The following ZNF385D variants were observed in gnomAD, a reference collection of about 807,000 sequenced individuals.
The protein encoded by ZNF385D is zinc finger protein 385D.
In ZNF385D, 15 loss-of-function variants were observed where a neutral mutation model predicts 35.8. The ratio of observed to expected loss-of-function variants is 0.42; its 90% confidence interval spans 0.28 to 0.64. The LOEUF (loss-of-function observed/expected upper bound fraction) is 0.64, where lower values mean the gene tolerates loss of function less well. Among genes scored for constraint, ZNF385D ranks in the 30% least tolerant of loss-of-function variants. The pLI is 0.23. For missense variants in ZNF385D, 474 were observed against 494.6 expected, an observed-to-expected ratio of 0.96 and a Z score of 0.39; for synonymous variants, 212 against 186.8, an observed-to-expected ratio of 1.13 and a Z score of -1.10.
intron 3 of ZNF385D, among the ~76,000 whole-genome samples, chr3:21,763,906 T>C (rs1174153385): frequency 6.6e-6 from 1 of 152,170 alleles, no homozygotes; most frequent in Admixed American, 6.6e-5. Context: ...AACATCCATT[T>C]GTCAAGAACT....
At chr3:21,623,099 C>A (rs948656088) in intron 2 of ZNF385D, among the ~76,000 whole-genome samples, 1 of 152,048 alleles carries the variant, frequency 6.6e-6, no homozygotes, top group Non-Finnish European at 1.5e-5. Context: ...TAGAGCTCTG[C>A]TGTTACTGCC....
intron 3 of ZNF385D, among the ~76,000 whole-genome samples, chr3:22,014,550 C>G (rs925088099): frequency 6.6e-6 from 1 of 152,002 alleles, no homozygotes; most frequent in Non-Finnish European, 1.5e-5. Flanking sequence ...AACCCCAAAC[C>G]CACATCCACC....
At chr3:22,070,334 A>G (rs1398262678) in intron 3 of ZNF385D, among the ~76,000 whole-genome samples, 2 of 152,184 alleles carry the variant, frequency 1.3e-5, no homozygotes, top group Non-Finnish European at 2.9e-5. Context: ...GGAAAGCAAT[A>G]TATACTACAG....
intron 3 of ZNF385D, among the ~76,000 whole-genome samples, chr3:21,521,896 A>C (rs1707931490): frequency 6.6e-6 from 1 of 152,188 alleles, no homozygotes; most frequent in African/African-American, 2.4e-5. Flanking sequence ...AAATTAGGAG[A>C]AAAAGACACC....
intron 3 of ZNF385D, among the ~76,000 whole-genome samples, chr3:21,942,050 T>A (rs374299619): frequency 1.3e-5 from 2 of 152,152 alleles, no homozygotes; most frequent in Admixed American, 6.5e-5. Context: ...AACATACACA[T>A]GTGTATTGTC....
chr3:22,065,747 C>A lies in ZNF385D; in HGVS notation c.325+103070G>T, dbSNP rs534981176. 2.7e-3 allele frequency among the ~76,000 whole-genome samples: 404 copies of A among 152,216 alleles called. 2 individuals are homozygous for A. Among genetic ancestry groups the A allele is most frequent in the African/African-American group, 9.3e-3 (387 of 41,534 alleles). ...CATAACACACACTGCATAAAAAAACCAGCACATAAATGTCTATCATGACTT... is the reference window on the plus strand; with the variant it reads ...CATAACACACACTGCATAAAAAAACAAGCACATAAATGTCTATCATGACTT... On this transcript the variant is annotated intron_variant, in intron 3 of 5. Coordinates refer to the ZNF385D transcript ENST00000494108.
At chr3:22,345,227 A>C (rs1220795204) in intron 2 of ZNF385D, among the ~76,000 whole-genome samples, 2 of 152,270 alleles carry the variant, frequency 1.3e-5, no homozygotes, top group Non-Finnish European at 2.9e-5. Flanking sequence ...TAACTCAATT[A>C]TTTCACTGTC....
chr3:21,540,051 G>T (rs2062134965), intron 3 of ZNF385D, among the ~76,000 whole-genome samples: 2 of 152,032 alleles, frequency 1.3e-5, no homozygotes. Context: ...ACTTGCAAAC[G>T]TTCTAGTAAT....
At chr3:22,194,879 G>A (rs532677049) in intron 2 of ZNF385D, among the ~76,000 whole-genome samples, 2 of 151,918 alleles carry the variant, frequency 1.3e-5, no homozygotes, top group South Asian at 4.1e-4. Context: ...ACCACAATTT[G>A]CATATTCATT....
chr3:21,537,198 T>A (rs2062056579), intron 3 of ZNF385D, among the ~76,000 whole-genome samples: 1 of 146,146 alleles, frequency 6.8e-6, no homozygotes, highest in Admixed American at 7.1e-5. Flanking sequence ...AGTGGCGTGA[T>A]CTCAGCTCAC....
chr3:21,527,094 A>G (rs897723713), intron 3 of ZNF385D, among the ~76,000 whole-genome samples: 8 of 152,332 alleles, frequency 5.3e-5, no homozygotes, highest in African/African-American at 1.4e-4. Context: ...GTGTAATATA[A>G]AGTAACTTAT....
At chr3:21,458,815 G>A (rs367712434) in intron 4 of ZNF385D, among the ~76,000 whole-genome samples, 10 of 100,892 alleles carry the variant, frequency 9.9e-5, no homozygotes, top group South Asian at 6.3e-4. Flanking sequence ...AATGCGGGGT[G>A]GGGGGGCGGG....
chr3:22,367,681 C>G (rs1334328308), intron 2 of ZNF385D, among the ~76,000 whole-genome samples: 1 of 151,860 alleles, frequency 6.6e-6, no homozygotes, highest in East Asian at 1.9e-4. Flanking sequence ...ACATTTCATT[C>G]TTTTTTTCTT....
intron 2 of ZNF385D, among the ~76,000 whole-genome samples, chr3:22,269,900 A>T (rs1701086482): frequency 6.6e-6 from 1 of 151,834 alleles, no homozygotes; most frequent in Admixed American, 6.6e-5. Context: ...AAGATCTGGT[A>T]ATCCGCTATT....
At chr3:21,732,636 G>A (rs1291456196) in intron 1 of ZNF385D, among the ~76,000 whole-genome samples, 2 of 152,136 alleles carry the variant, frequency 1.3e-5, no homozygotes, top group Non-Finnish European at 2.9e-5. Flanking sequence ...TATCTCTAAT[G>A]ATACATGATG....
At chr3:21,581,910 C>T (rs893820667) in intron 2 of ZNF385D, among the ~76,000 whole-genome samples, 17 of 152,138 alleles carry the variant, frequency 1.1e-4, no homozygotes, top group Non-Finnish European at 2.5e-4. Flanking sequence ...TTAGGGATGA[C>T]TGAGATGCAT....
intron 6 of ZNF385D, 67 bp downstream of exon 6, chr3:21,425,425 A>G: frequency 2.1e-6 from 3 of 1,424,752 alleles, no homozygotes; most frequent in Non-Finnish European, 2.8e-6. Context: ...AAAGGAAGGA[A>G]GCACACACAT....
At chr3:21,739,078 C>G (rs2069383438) in intron 1 of ZNF385D, among the ~76,000 whole-genome samples, 1 of 152,166 alleles carries the variant, frequency 6.6e-6, no homozygotes, top group South Asian at 2.1e-4. Flanking sequence ...TGGCATTTGA[C>G]AGGAGGTGAG....
At chr3:22,109,169 T>A (rs938778185) in intron 3 of ZNF385D, among the ~76,000 whole-genome samples, 5 of 152,180 alleles carry the variant, frequency 3.3e-5, no homozygotes, top group South Asian at 2.1e-4. Flanking sequence ...AAGCTGCAGA[T>A]AACTAAAATC....
Sources: allele counts gnomAD v4.1 joint callset (sites outside exome capture counted in the v4.1 genomes callset), GRCh38; gene constraint gnomAD v4.1.1; transcripts MANE v1.5; gene names NCBI Gene and HGNC (gene_info 2026-07-23, HGNC 2026-07-21).